The following ZFAND3 variants were observed in gnomAD, a reference collection of about 807,000 sequenced individuals.
ZFAND3 encodes the protein zinc finger AN1-type containing 3.
A neutral mutation model predicts 29.6 loss-of-function variants in ZFAND3; 10 were observed. That is an observed-to-expected ratio of 0.34 (90% confidence interval 0.21 to 0.57). ZFAND3 has a LOEUF of 0.57. Ranked by LOEUF, ZFAND3 falls within the 20% of genes least tolerant of loss-of-function variation. The pLI is 0.86. For missense variants in ZFAND3, 230 were observed against 304.5 expected, an observed-to-expected ratio of 0.76 and a Z score of 1.82; for synonymous variants, 128 against 112.6, an observed-to-expected ratio of 1.14 and a Z score of -0.87.
chr6:37,841,178 A>G (rs1764066018), intron 1 of ZFAND3, among the ~76,000 whole-genome samples: 1 of 152,226 alleles, frequency 6.6e-6, no homozygotes, highest in African/African-American at 2.4e-5. Context: ...GGGTATTTTA[A>G]GAAGGGTTTC....
intron 1 of ZFAND3, among the ~76,000 whole-genome samples, chr6:37,896,617 TTTTC>T (rs149096248): frequency 3.3e-5 from 5 of 149,892 alleles, no homozygotes; most frequent in South Asian, 2.1e-4. Flanking sequence ...TCTTTCTTTC[TTTTC>T]TTTCTTTCTT....
chr6:38,046,151 T>C (rs1485954039), intron 2 of ZFAND3, among the ~76,000 whole-genome samples: 1 of 152,228 alleles, frequency 6.6e-6, no homozygotes, highest in Non-Finnish European at 1.5e-5. Flanking sequence ...TCTCTCAGAC[T>C]AATGCAAGAT....
intron 2 of ZFAND3, among the ~76,000 whole-genome samples, chr6:38,049,551 C>T (rs1763977732): frequency 6.6e-6 from 1 of 152,190 alleles, no homozygotes; most frequent in South Asian, 2.1e-4. Flanking sequence ...TGTGCATGAG[C>T]TTTTCTCACT....
At chr6:37,901,663 G>A (rs1005927993) in intron 1 of ZFAND3, among the ~76,000 whole-genome samples, 1 of 152,170 alleles carries the variant, frequency 6.6e-6, no homozygotes, top group Non-Finnish European at 1.5e-5. Flanking sequence ...ATATGGAAAT[G>A]AAATCATCAA....
chr6:38,118,158 A>G (rs992689203), intron 5 of ZFAND3, among the ~76,000 whole-genome samples: 3 of 152,224 alleles, frequency 2.0e-5, no homozygotes, highest in African/African-American at 7.2e-5. Context: ...CCGTGTGTTC[A>G]TGCACGCAGT....
intron 2 of ZFAND3, among the ~76,000 whole-genome samples, chr6:37,964,250 A>G (rs1384065603): frequency 6.6e-6 from 1 of 152,230 alleles, no homozygotes; most frequent in Non-Finnish European, 1.5e-5. Flanking sequence ...TTACAGGTGC[A>G]TTTACCTAGG....
At chr6:38,009,926 TG>T (rs1763116971) in intron 2 of ZFAND3, among the ~76,000 whole-genome samples, 1 of 152,108 alleles carries the variant, frequency 6.6e-6, no homozygotes, top group South Asian at 2.1e-4. Flanking sequence ...TTGTGGACGG[TG>T]GGGGCGCAAG....
chr6:37,982,610 C>T (rs974980974), intron 2 of ZFAND3, among the ~76,000 whole-genome samples: 2 of 152,166 alleles, frequency 1.3e-5, no homozygotes, highest in Non-Finnish European at 2.9e-5. Flanking sequence ...AGTATATCTA[C>T]TGTGCTGCCA....
intron 1 of ZFAND3, among the ~76,000 whole-genome samples, chr6:37,820,268 G>C (rs1021653481): frequency 2.0e-5 from 3 of 152,234 alleles, no homozygotes; most frequent in African/African-American, 7.2e-5. Flanking sequence ...GGGCCCACGG[G>C]GGCCTCCTGG....
intron 1 of ZFAND3, among the ~76,000 whole-genome samples, chr6:37,887,133 G>A (rs12211248): frequency 0.32 from 48,769 of 152,160 alleles, 8,251 homozygotes; most frequent in Non-Finnish European, 0.38. Flanking sequence ...AAGAAGTGTT[G>A]TGATATAATG....
Position 37,999,524 on chromosome 6 carries a change from A to G in ZFAND3, c.113-62069A>G, listed in dbSNP as rs79572146. Among the ~76,000 whole-genome samples the G allele has an allele frequency of 7.6e-3, 1,156 of 152,310 alleles. 11 individuals carry two copies. Among genetic ancestry groups the G allele is most frequent in the African/African-American group, 0.026 (1,063 of 41,576 alleles). On this transcript the variant is annotated intron_variant, in intron 2 of 5. Transcript: ENST00000287218. The stretch of plus-strand genomic sequence containing the variant: ...AGATTAACATCAGCAGTGATAATTC[A>G]TATTGATTGCATATACCCTTGATAT...
At chr6:37,962,124 G>A (rs1762208899) in intron 2 of ZFAND3, among the ~76,000 whole-genome samples, 1 of 152,062 alleles carries the variant, frequency 6.6e-6, no homozygotes, top group Admixed American at 6.6e-5. Flanking sequence ...TAACACAGAA[G>A]GAATTCAGAA....
intron 4 of ZFAND3, among the ~76,000 whole-genome samples, chr6:38,099,077 T>C (rs1765041337): frequency 6.6e-6 from 1 of 152,158 alleles, no homozygotes; most frequent in African/African-American, 2.4e-5. Flanking sequence ...CTGAGGTCTC[T>C]AAGCTTTTAT....
intron 5 of ZFAND3, among the ~76,000 whole-genome samples, chr6:38,118,730 T>C (rs1765468043): frequency 6.7e-6 from 1 of 148,438 alleles, no homozygotes; most frequent in Non-Finnish European, 1.5e-5. Flanking sequence ...GACTACCTAA[T>C]TTCCTAAGGT....
intron 5 of ZFAND3, among the ~76,000 whole-genome samples, chr6:38,144,229 A>T (rs1157532386): frequency 0.12 from 13,977 of 116,826 alleles, 1,330 homozygotes; most frequent in African/African-American, 0.17. Context: ...ATATATATAT[A>T]TATTTTTTTT....
chr6:37,982,360 G>T (rs1457857912), intron 2 of ZFAND3, among the ~76,000 whole-genome samples: 2 of 152,104 alleles, frequency 1.3e-5, no homozygotes, highest in African/African-American at 4.8e-5. Flanking sequence ...CAATAAAAAT[G>T]TAGCCAATTA....
intron 2 of ZFAND3, among the ~76,000 whole-genome samples, chr6:38,058,101 A>G (rs574541247): frequency 2.0e-5 from 3 of 152,334 alleles, no homozygotes; most frequent in South Asian, 2.1e-4. Flanking sequence ...TAGCATGGCA[A>G]GCATGGGCTG....
rs58542714 is a variant in ZFAND3 at position 38,047,973 on chromosome 6, G to GTTTT, written c.113-13609_113-13606dup. Among the ~76,000 whole-genome samples, 11 of 137,636 alleles carry GTTTT rather than the reference G, an allele frequency of 8.0e-5. No homozygotes were observed. The East Asian group carries it at 2.3e-3, about 29-fold the overall frequency. 90.3% of individuals were successfully genotyped at this position (137,636 alleles called of 152,430 possible). On this transcript the variant is annotated intron_variant, in intron 2 of 5. Coordinates refer to ENST00000287218, the MANE Select transcript of ZFAND3 (RefSeq NM_021943.3). ...AGACCTAGGTTTTTGGGTTTTTTTT[G>GTTTT]TTTTTTTTTTTTTTACTTTTTGTGT...
intron 1 of ZFAND3, among the ~76,000 whole-genome samples, chr6:37,838,305 T>C (rs1262612719): frequency 1.3e-5 from 2 of 152,226 alleles, no homozygotes; most frequent in Non-Finnish European, 2.9e-5. Flanking sequence ...TTAAAAAATA[T>C]TGAGATATAA....
Sources: allele counts gnomAD v4.1 joint callset (sites outside exome capture counted in the v4.1 genomes callset), GRCh38; gene constraint gnomAD v4.1.1; transcripts MANE v1.5; gene names NCBI Gene and HGNC (gene_info 2026-07-23, HGNC 2026-07-21).